Variants in PEAK1 observed in about 807,000 individuals in gnomAD.
PEAK1 encodes the protein pseudopodium enriched atypical kinase 1.
PEAK1 carries 54 observed loss-of-function variants against 124.7 expected under a neutral mutation model. The ratio of observed to expected loss-of-function variants is 0.43; its 90% CI spans 0.35 to 0.54. PEAK1 has a LOEUF of 0.54. Among genes scored for constraint, PEAK1 ranks in the 20% least tolerant of loss-of-function variants. The pLI is 0.01. For synonymous variants in PEAK1, 719 were observed against 760.0 expected (o/e 0.95, Z 0.89); for missense variants, 2,046 against 2,134.5 (o/e 0.96, Z 0.82).
intron 5 of PEAK1, chr15:77,255,266 G>T (rs766363185): frequency 7.2e-6 from 5 of 690,190 alleles, no homozygotes; most frequent in Non-Finnish European, 8.9e-6. Context: ...TTATTCCTGT[G>T]TAATAACAAC....
chr15:77,328,096 C>A (rs1252260594), intron 2 of PEAK1, among the ~76,000 whole-genome samples: 1 of 152,134 alleles, frequency 6.6e-6, no homozygotes, highest in African/African-American at 2.4e-5. Context: ...GGCAAAAGAT[C>A]ACTTTACAGT....
In PEAK1 at chr15:77,347,836, C is replaced by T; in HGVS notation, c.-603+17327G>A. Reference sequence around the variant, plus strand: ...GCAAGCACAAAACAGTGTTTAAGTTCAAAAGCATCTACAACATTAAACAAT... The same window carrying T: ...GCAAGCACAAAACAGTGTTTAAGTTTAAAAGCATCTACAACATTAAACAAT... On this transcript the variant is annotated intron_variant, in intron 2 of 9. Coordinates refer to ENST00000682557, the MANE Select transcript of PEAK1 (RefSeq NM_001385026.1). 5.1e-6 allele frequency: 5 copies of T among 984,854 alleles called. No individual in the cohort carries two copies. In the South Asian group the frequency reaches 1.9e-4, roughly 37 times the overall value. The allele number at this position is 984,854 out of a possible 1,614,324, so 61.0% of individuals were successfully genotyped here.
At chr15:77,349,440 G>A in intron 2 of PEAK1, 1 of 981,832 alleles carries the variant, frequency 1.0e-6, no homozygotes, top group Non-Finnish European at 1.2e-6. Context: ...GTTCATAATA[G>A]GAGCAAATTA....
At chr15:77,411,615 CT>C (rs796602883) in intron 1 of PEAK1, among the ~76,000 whole-genome samples, 1 of 151,332 alleles carries the variant, frequency 6.6e-6, no homozygotes, top group African/African-American at 2.4e-5. Context: ...TACTTCATAC[CT>C]TTTTTTTTAA....
chr15:77,316,029 G>T (rs767799299), intron 2 of PEAK1, among the ~76,000 whole-genome samples: 5 of 151,980 alleles, frequency 3.3e-5, no homozygotes, highest in African/African-American at 4.8e-5. Flanking sequence ...GTGTGTATTG[G>T]GGGGAGGGCA....
chr15:77,312,139 G>A (rs1016338934), intron 2 of PEAK1, among the ~76,000 whole-genome samples: 6 of 151,976 alleles, frequency 3.9e-5, no homozygotes, highest in Non-Finnish European at 7.4e-5. Context: ...GAAAATAAAG[G>A]GACTAGTACT....
At chr15:77,285,267 G>A (rs1210640056) in intron 3 of PEAK1, among the ~76,000 whole-genome samples, 1 of 152,010 alleles carries the variant, frequency 6.6e-6, no homozygotes, top group Non-Finnish European at 1.5e-5. Flanking sequence ...GTTAGTTCAC[G>A]TTAAGTCCTT....
intron 7 of PEAK1, among the ~76,000 whole-genome samples, chr15:77,167,364 C>A (rs535382977): frequency 3.4e-4 from 52 of 152,310 alleles, no homozygotes; most frequent in African/African-American, 1.2e-3. Flanking sequence ...CTGAAGACTA[C>A]CCCATTCTGG....
chr15:77,261,426 A>G (rs969471957), intron 5 of PEAK1, among the ~76,000 whole-genome samples: 2 of 152,212 alleles, frequency 1.3e-5, no homozygotes, highest in Admixed American at 6.5e-5. Flanking sequence ...GAAGTCCTTA[A>G]AGGAGCTGAT....
At chr15:77,384,202 A>C (rs147934205) in intron 1 of PEAK1, among the ~76,000 whole-genome samples, 3,399 of 151,962 alleles carry the variant, frequency 0.022, 55 homozygotes, top group Non-Finnish European at 0.036. Context: ...AAAAAAAAAA[A>C]CAAGCTCACA....
intron 5 of PEAK1, among the ~76,000 whole-genome samples, chr15:77,279,112 T>C (rs765534320): frequency 2.8e-4 from 41 of 147,590 alleles, no homozygotes; most frequent in Admixed American, 4.7e-4. Flanking sequence ...TGCGTGTGTG[T>C]GTGTGTGTGT....
At chr15:77,116,699 TCA>T (rs2051403970) in intron 9 of PEAK1, among the ~76,000 whole-genome samples, 1 of 132,826 alleles carries the variant, frequency 7.5e-6, no homozygotes, top group Non-Finnish European at 1.6e-5. Flanking sequence ...TGGAAATCAA[TCA>T]ATCTATCTAT....
At chr15:77,268,986 G>A (rs1194623983) in intron 5 of PEAK1, among the ~76,000 whole-genome samples, 1 of 151,810 alleles carries the variant, frequency 6.6e-6, no homozygotes, top group African/African-American at 2.4e-5. Context: ...CCACTACCAA[G>A]CCAGCACTAC....
chr15:77,216,379 T>C (rs930481337), intron 6 of PEAK1, among the ~76,000 whole-genome samples: 2 of 152,226 alleles, frequency 1.3e-5, no homozygotes, highest in Admixed American at 6.5e-5. Context: ...TGGGATCTAG[T>C]TTAAGGTGTT....
chr15:77,133,143 C>G lies in PEAK1; in HGVS notation c.3939G>C (p.Gln1313His). The G allele has an allele frequency of 6.2e-7, 1 of 1,614,230 alleles. No homozygotes were observed. ...VKCEDLFMAG[Q>H]KDQLRFGVDS... ...CCACTCCAAAACGGAGCTGGTCTTT[C>G]TGCCCAGCCATGAAAAGGTCTTCGC... Residue 1313 changes from glutamine to histidine, a missense_variant, in exon 9 of 10, where the codon CAG becomes CAC. By Grantham distance (24) the Gln-to-His change is conservative. Coordinates refer to ENST00000682557, the MANE Select transcript of PEAK1 (RefSeq NM_001385026.1). This position sits in a 1 kb window ranked among gnomAD's most constrained non-coding sequence, Gnocchi z 4.2.
intron 8 of PEAK1, among the ~76,000 whole-genome samples, chr15:77,141,467 A>T (rs2053779975): frequency 1.3e-5 from 2 of 152,210 alleles, no homozygotes; most frequent in South Asian, 4.1e-4. Context: ...CCCAAAATTG[A>T]TCTACAGATT....
At chr15:77,213,532 T>C (rs2059002850) in intron 6 of PEAK1, among the ~76,000 whole-genome samples, 1 of 151,980 alleles carries the variant, frequency 6.6e-6, no homozygotes, top group Non-Finnish European at 1.5e-5. Context: ...CTACTAAAAC[T>C]ACAAAAATTA....
chr15:77,305,759 T>C (rs928465160), intron 2 of PEAK1, among the ~76,000 whole-genome samples: 1 of 152,190 alleles, frequency 6.6e-6, no homozygotes, highest in Non-Finnish European at 1.5e-5. Flanking sequence ...TAAAATGGCA[T>C]AGTATTTTAT....
intron 6 of PEAK1, among the ~76,000 whole-genome samples, chr15:77,226,073 A>G (rs2059654316): frequency 7.3e-6 from 1 of 137,140 alleles, no homozygotes; most frequent in Non-Finnish European, 1.6e-5. Flanking sequence ...ATATATATAT[A>G]TATATATATA....
Sources: allele counts gnomAD v4.1 joint callset (sites outside exome capture counted in the v4.1 genomes callset), GRCh38; gene constraint gnomAD v4.1.1; non-coding constraint Gnocchi (gnomAD v3.1); transcripts MANE v1.5; gene names NCBI Gene and HGNC (gene_info 2026-07-23, HGNC 2026-07-21).